Variants in TNPO1 observed in about 807,000 individuals in gnomAD.
The protein encoded by TNPO1 is transportin-1.
TNPO1 carries 8 observed loss-of-function variants against 119.5 expected under a neutral mutation model. The ratio of observed to expected loss-of-function variants is 0.07; its 90% CI spans 0.04 to 0.12. The LOEUF (loss-of-function observed/expected upper bound fraction) is 0.12. TNPO1 is among the 10% of genes least tolerant of loss of function. The pLI is 1.00. For synonymous variants in TNPO1, 362 were observed against 363.0 expected, an observed-to-expected ratio of 1.00 and a Z score of 0.03; for missense variants, 576 against 1,089.8, an observed-to-expected ratio of 0.53 and a Z score of 6.64.
At chr5:72,882,736 A>G (rs1478922309) in intron 10 of TNPO1, among the ~76,000 whole-genome samples, 1 of 152,084 alleles carries the variant, frequency 6.6e-6, no homozygotes, top group African/African-American at 2.4e-5. Context: ...GTTATTATTA[A>G]TTTCCCCTTA....
intron 11 of TNPO1, among the ~76,000 whole-genome samples, chr5:72,886,581 T>G (rs1413851878): frequency 6.6e-6 from 1 of 152,170 alleles, no homozygotes; most frequent in Non-Finnish European, 1.5e-5. Context: ...TAAGTTCTTG[T>G]CATAAAAAAT....
intron 1 of TNPO1, among the ~76,000 whole-genome samples, chr5:72,845,282 A>G (rs550413507): frequency 1.3e-5 from 2 of 152,244 alleles, no homozygotes; most frequent in South Asian, 4.1e-4. Flanking sequence ...TCCAATATTG[A>G]TCTTGATATT....
At chr5:72,861,957 T>A in intron 5 of TNPO1, 43 bp downstream of exon 5, 1 of 1,482,720 alleles carries the variant, frequency 6.7e-7, no homozygotes, top group Non-Finnish European at 9.4e-7. Flanking sequence ...TTTTCTGTTT[T>A]TCTTGTCATG....
rs775831398 is a variant in TNPO1 at position 72,882,471 on chromosome 5, A to G, written c.925A>G (p.Ile309Val). 2.1e-5 allele frequency: 34 copies of G among 1,608,190 alleles called. No individual in the cohort carries two copies. Among genetic ancestry groups the G allele is most frequent in the Non-Finnish European group, 2.9e-5 (34 of 1,177,184 alleles). ...CATGAATTTCTTTCTTTATAGGTTG[A>G]TTCCTGTGTTAGTGAATGGCATGAA... is the stretch of plus-strand genomic sequence containing the variant. ...DVLVRHLPKL[I>V]PVLVNGMKYS... is the part of the protein sequence containing the mutation. Residue 309 changes from isoleucine to valine, a missense_variant, in exon 10 of 25, where the codon ATT becomes GTT. Transcript: ENST00000337273.
chr5:72,888,890 C>A (rs1254110876), intron 13 of TNPO1, among the ~76,000 whole-genome samples: 4 of 152,242 alleles, frequency 2.6e-5, no homozygotes, highest in African/African-American at 7.2e-5. Flanking sequence ...TTATATCAAG[C>A]CAGCAGTTGC....
At position 72,903,047 on chromosome 5, in the gene TNPO1, A is replaced by G. The variant is rs114348614; in HGVS notation, c.2515-662A>G. Among the ~76,000 whole-genome samples the G allele has an allele frequency of 5.0e-3, 762 of 152,312 alleles. 5 individuals are homozygous for G. Among genetic ancestry groups the G allele is most frequent in the Middle Eastern group, 0.024 (7 of 294 alleles). On this transcript the variant is annotated intron_variant, in intron 22 of 24. Coordinates refer to ENST00000337273, the MANE Select transcript of TNPO1 (RefSeq NM_002270.4). ...TTTGTTGAACTGTTAGTGTTTCAGTATGATAGGCAAGATTGAGAATATTTT... is the reference window on the plus strand; with the variant it reads ...TTTGTTGAACTGTTAGTGTTTCAGTGTGATAGGCAAGATTGAGAATATTTT...
At chr5:72,834,268 G>C (rs1022594442) in intron 1 of TNPO1, among the ~76,000 whole-genome samples, 3 of 152,102 alleles carry the variant, frequency 2.0e-5, no homozygotes, top group African/African-American at 7.2e-5. Context: ...CTATATTATT[G>C]TTATTTTTAG....
At chr5:72,887,990 T>C (rs1184821601) in intron 12 of TNPO1, 88 bp from the exon 13 acceptor site, 2 of 1,263,830 alleles carry the variant, frequency 1.6e-6, no homozygotes, top group African/African-American at 3.0e-5. Flanking sequence ...ATTCTGAATT[T>C]TTTCATAGAT....
intron 15 of TNPO1, 131 bp downstream of exon 15, chr5:72,892,027 C>G (rs975559770): frequency 3.1e-6 from 2 of 646,120 alleles, no homozygotes; most frequent in African/African-American, 3.7e-5. Flanking sequence ...ATGATACATA[C>G]TGTTCTCTAA....
At chr5:72,892,644 T>C (rs1321662377) in intron 15 of TNPO1, among the ~76,000 whole-genome samples, 1 of 152,212 alleles carries the variant, frequency 6.6e-6, no homozygotes, top group East Asian at 1.9e-4. Context: ...AATGATGTGG[T>C]ATTTGCATAT....
At chr5:72,831,234 G>C (rs1438439032) in intron 1 of TNPO1, among the ~76,000 whole-genome samples, 4 of 151,960 alleles carry the variant, frequency 2.6e-5, no homozygotes, top group Non-Finnish European at 5.9e-5. Context: ...AAGAATATAG[G>C]CCCTCTTTTC....
At chr5:72,839,196 A>G (rs976919000) in intron 1 of TNPO1, among the ~76,000 whole-genome samples, 4 of 152,192 alleles carry the variant, frequency 2.6e-5, no homozygotes, top group African/African-American at 9.6e-5. Context: ...GCACATTAAT[A>G]AATCCTATGA....
intron 6 of TNPO1, among the ~76,000 whole-genome samples, chr5:72,871,453 A>G (rs910274683): frequency 6.6e-6 from 1 of 152,216 alleles, no homozygotes; most frequent in Non-Finnish European, 1.5e-5. Flanking sequence ...TTTTTGGCAC[A>G]GTGGTTAAGA....
chr5:72,906,668 C>T (rs1366164127), intron 24 of TNPO1, among the ~76,000 whole-genome samples: 1 of 152,180 alleles, frequency 6.6e-6, no homozygotes, highest in African/African-American at 2.4e-5. Flanking sequence ...TGGACTCTTG[C>T]TCCTTGAGCT....
chr5:72,840,898 G>A (rs765676079), intron 1 of TNPO1, among the ~76,000 whole-genome samples: 4 of 152,056 alleles, frequency 2.6e-5, no homozygotes, highest in Non-Finnish European at 5.9e-5. Context: ...AAATTTTAAC[G>A]TCTTAGCCTA....
At chr5:72,835,776 C>T (rs957651703) in intron 1 of TNPO1, among the ~76,000 whole-genome samples, 30 of 152,168 alleles carry the variant, frequency 2.0e-4, no homozygotes, top group African/African-American at 7.0e-4. Flanking sequence ...AGTCTTAACT[C>T]GTTCCAGCAT....
chr5:72,836,397 G>A (rs1744696429), intron 1 of TNPO1, among the ~76,000 whole-genome samples: 1 of 152,206 alleles, frequency 6.6e-6, no homozygotes, highest in African/African-American at 2.4e-5. Flanking sequence ...TTTACCACCT[G>A]TGCTTTCTGG....
chr5:72,816,694 C>T lies in TNPO1; in HGVS notation c.-44C>T, dbSNP rs746423322. ...GCCATTTCAGGCCCCGGACAGGAGG[C>T]AGTGCCGCTTCGGCCGAAGGCCCGA... is the stretch of plus-strand genomic sequence containing the variant. On this transcript the variant is annotated 5_prime_UTR_variant, in exon 1 of 25. Transcript: ENST00000337273. The T allele has an allele frequency of 1.9e-6, 3 of 1,549,662 alleles. No homozygotes were observed. The highest frequency in any genetic ancestry group is 1.2e-5 in the South Asian group (1 of 82,898).
At chr5:72,871,005 C>T (rs1314631939) in intron 6 of TNPO1, among the ~76,000 whole-genome samples, 3 of 152,044 alleles carry the variant, frequency 2.0e-5, no homozygotes, top group African/African-American at 7.2e-5. Flanking sequence ...AGTCTCTCTC[C>T]ATCGCCCAGG....
Sources: allele counts gnomAD v4.1 joint callset (sites outside exome capture counted in the v4.1 genomes callset), GRCh38; gene constraint gnomAD v4.1.1; transcripts MANE v1.5; gene names NCBI Gene and HGNC (gene_info 2026-07-23, HGNC 2026-07-21).